The following NALCN variants were observed in gnomAD, a reference collection of about 807,000 sequenced individuals.
NALCN encodes the protein sodium leak channel NALCN.
NALCN carries 111 observed loss-of-function variants against 225.3 expected under a neutral mutation model. The observed-to-expected ratio is 0.49, with a 90% CI of 0.42 to 0.58. The LOEUF is 0.58. Among genes scored for constraint, NALCN ranks in the 20% least tolerant of loss-of-function variants. The pLI, the probability that NALCN is intolerant of heterozygous loss-of-function variation, is 0.00. For synonymous variants in NALCN, 764 were observed against 769.0 expected, an observed-to-expected ratio of 0.99 and a Z score of 0.11; for missense variants, 1,378 against 2,202.4, an observed-to-expected ratio of 0.63 and a Z score of 7.49.
At chr13:101,296,234 T>G (rs2043750503) in intron 7 of NALCN, among the ~76,000 whole-genome samples, 1 of 152,224 alleles carries the variant, frequency 6.6e-6, no homozygotes, top group African/African-American at 2.4e-5. Context: ...ATCTTTCATT[T>G]CTGTACCAGA....
At chr13:101,253,075 T>A (rs2042110400) in intron 11 of NALCN, among the ~76,000 whole-genome samples, 1 of 152,142 alleles carries the variant, frequency 6.6e-6, no homozygotes, top group African/African-American at 2.4e-5. Context: ...TGATTTAATG[T>A]GCAATAATAA....
rs762180800 is a variant in NALCN at position 101,143,149 on chromosome 13, G to A, written c.2049C>T (p.Thr683=). 1.9e-6 allele frequency: 3 copies of A among 1,614,092 alleles called. No individual in the cohort carries two copies. Among genetic ancestry groups the A allele is most frequent in the East Asian group, 4.5e-5 (2 of 44,878 alleles). The change falls in exon 17 of 44, where the codon ACC becomes ACT. Residue 683 remains threonine, a synonymous_variant. Transcript: ENST00000251127. ...AGTGGTCGCAGGAGGAGGAAGAGGT[G>A]GTCGGGAGGCTTCTCAGGAGGCAAC... ...DTCCLLRSLP[T]TSSSSCDHSK... is the part of the protein sequence containing the mutation.
intron 14 of NALCN, among the ~76,000 whole-genome samples, chr13:101,183,722 A>G (rs1160581057): frequency 6.6e-6 from 1 of 151,962 alleles, no homozygotes; most frequent in African/African-American, 2.4e-5. Flanking sequence ...GGCCTCCCAA[A>G]GTGCTGGGAT....
chr13:101,258,563 C>A lies in NALCN; in HGVS notation c.1146G>T (p.Arg382=). The A allele has an allele frequency of 6.2e-7, 1 of 1,614,190 alleles. No homozygotes were observed. Among genetic ancestry groups the A allele is most frequent in the Non-Finnish European group, 8.5e-7 (1 of 1,180,020 alleles). The part of the protein sequence containing the change: ...RAPACLQKMM[R]SSVFHMFILS... ...GGATGAACATGTGGAAAACGGATGA[C>A]CGCATCATTTTCTGAGGGGGCGAAA... is the stretch of plus-strand genomic sequence containing the variant. Residue 382 remains arginine (R), a synonymous_variant, in exon 11 of 44, where the codon CGG becomes CGT. Transcript: ENST00000251127.
At chr13:101,300,324 TTTCC>T (rs774400055) in intron 7 of NALCN, among the ~76,000 whole-genome samples, 32 of 151,052 alleles carry the variant, frequency 2.1e-4, no homozygotes, top group African/African-American at 6.3e-4. Context: ...TTCCTCTTCT[TTTCC>T]TTCCTTCCTT....
At chr13:101,402,280 C>A (rs977569552) in intron 1 of NALCN, among the ~76,000 whole-genome samples, 1 of 152,090 alleles carries the variant, frequency 6.6e-6, no homozygotes, top group African/African-American at 2.4e-5. Context: ...AGTTCAATAT[C>A]GGGAGAGAGG....
chr13:101,241,927 CA>C (rs1270859238), intron 11 of NALCN, among the ~76,000 whole-genome samples: 1 of 105,384 alleles, frequency 9.5e-6, no homozygotes, highest in African/African-American at 3.4e-5. Context: ...GTTCTGGTCA[CA>C]AGGATTTGCA....
intron 14 of NALCN, chr13:101,181,141 C>T: frequency 1.9e-6 from 1 of 518,854 alleles, no homozygotes; most frequent in South Asian, 1.4e-5. Flanking sequence ...GATGCTCTCC[C>T]AAGCCACGCA....
intron 9 of NALCN, among the ~76,000 whole-genome samples, chr13:101,290,343 G>A (rs976513629): frequency 1.1e-4 from 17 of 152,188 alleles, no homozygotes; most frequent in African/African-American, 3.6e-4. Flanking sequence ...GTTAAGGGCT[G>A]AGATCATAGT....
chr13:101,400,164 A>C (rs2047426761), intron 1 of NALCN, among the ~76,000 whole-genome samples: 1 of 152,122 alleles, frequency 6.6e-6, no homozygotes, highest in Non-Finnish European at 1.5e-5. Flanking sequence ...AAAAACAAAA[A>C]ACAAAAAACT....
At chr13:101,414,671 T>C (rs2047883647) in intron 1 of NALCN, among the ~76,000 whole-genome samples, 1 of 152,162 alleles carries the variant, frequency 6.6e-6, no homozygotes, top group South Asian at 2.1e-4. Context: ...GTAGACTTTT[T>C]TTAAGTACAT....
intron 6 of NALCN, among the ~76,000 whole-genome samples, chr13:101,348,893 A>C (rs2045825113): frequency 6.6e-6 from 1 of 152,326 alleles, no homozygotes; most frequent in African/African-American, 2.4e-5. Context: ...GAATGTCAAG[A>C]GTTTCAGAAT....
intron 17 of NALCN, among the ~76,000 whole-genome samples, chr13:101,125,115 A>G (rs1447192914): frequency 2.0e-5 from 3 of 152,154 alleles, no homozygotes. Context: ...TGGGGAATGA[A>G]TGAAATGGGC....
intron 6 of NALCN, among the ~76,000 whole-genome samples, chr13:101,371,553 C>T (rs1036582301): frequency 6.6e-6 from 1 of 152,098 alleles, no homozygotes; most frequent in Non-Finnish European, 1.5e-5. Flanking sequence ...GTAATATTTG[C>T]TGTAAAGTTG....
Position 101,343,948 on chromosome 13 carries a change from C to T in NALCN, c.799+1318G>A, listed in dbSNP as rs556492319. On this transcript the variant is annotated intron_variant, in intron 7 of 43. Coordinates refer to ENST00000251127, the MANE Select transcript of NALCN (RefSeq NM_052867.4). ...TGGAGGTTATTTTCTGTAAGGGCAACCTTAACCCTGGAATGGTGACCACTC... is the reference window on the plus strand; with the variant it reads ...TGGAGGTTATTTTCTGTAAGGGCAATCTTAACCCTGGAATGGTGACCACTC... Among the ~76,000 whole-genome samples, 10 of 152,216 alleles carry T rather than the reference C, an allele frequency of 6.6e-5. No homozygotes were observed. The East Asian group carries it at 1.7e-3, about 26-fold the overall frequency.
intron 7 of NALCN, among the ~76,000 whole-genome samples, chr13:101,297,311 T>G (rs2043793115): frequency 6.6e-6 from 1 of 152,178 alleles, no homozygotes; most frequent in African/African-American, 2.4e-5. Flanking sequence ...AGTTGGGAAG[T>G]TAGAATTGGA....
chr13:101,234,656 C>A (rs1292513206), intron 12 of NALCN, among the ~76,000 whole-genome samples: 2 of 152,172 alleles, frequency 1.3e-5, no homozygotes, highest in Non-Finnish European at 2.9e-5. Context: ...CATTTTTATT[C>A]ATTATTAATA....
In NALCN at chr13:101,311,385, T is replaced by C. The variant is rs200719500; in HGVS notation, c.800-19019A>G. On this transcript the variant is annotated intron_variant, in intron 7 of 43. Transcript: ENST00000251127. ...CCTGCCTAATTGCCCTGGCCAGGACTTCCAACATTATGTTGAATAGGAGTG... is the reference window on the plus strand; with the variant it reads ...CCTGCCTAATTGCCCTGGCCAGGACCTCCAACATTATGTTGAATAGGAGTG... Among the ~76,000 whole-genome samples, 124 of 151,518 alleles carry C rather than the reference T, an allele frequency of 8.2e-4. No individual in the cohort carries two copies. The East Asian group carries it at 0.021, about 26-fold the overall frequency.
At chr13:101,113,824 G>A (rs2035566294) in intron 18 of NALCN, among the ~76,000 whole-genome samples, 1 of 152,150 alleles carries the variant, frequency 6.6e-6, no homozygotes, top group African/African-American at 2.4e-5. Flanking sequence ...CTTGTTTAAC[G>A]CTCATGGCAT....
Sources: allele counts gnomAD v4.1 joint callset (sites outside exome capture counted in the v4.1 genomes callset), GRCh38; gene constraint gnomAD v4.1.1; transcripts MANE v1.5; gene names NCBI Gene and HGNC (gene_info 2026-07-23, HGNC 2026-07-21).